Variants in SLAMF6 observed in about 807,000 individuals in gnomAD.
SLAMF6 encodes NK-T-B-antigen.
SLAMF6 carries 21 observed loss-of-function variants against 38.3 expected under a neutral mutation model. The ratio of observed to expected loss-of-function variants is 0.55; its 90% CI spans 0.39 to 0.79. SLAMF6 has a LOEUF of 0.79. SLAMF6 is among the 30% of genes least tolerant of loss of function. SLAMF6 has a pLI of 0.00. For synonymous variants in SLAMF6, 152 were observed against 146.3 expected (o/e 1.04, Z -0.28); for missense variants, 341 against 385.3 (o/e 0.89, Z 0.96).
chr1:160,491,030 C>T, intron 3 of SLAMF6, 95 bp downstream of exon 3: 2 of 1,494,226 alleles, frequency 1.3e-6, no homozygotes, highest in Admixed American at 1.8e-5. Flanking sequence ...TTTTCTGCCT[C>T]CCACTGGGCC....
At chr1:160,508,908 C>T (rs533588014) in intron 1 of SLAMF6, among the ~76,000 whole-genome samples, 1 of 152,308 alleles carries the variant, frequency 6.6e-6, no homozygotes, top group South Asian at 2.1e-4. Flanking sequence ...AAAAAATGCT[C>T]ATCATCACTG....
At chr1:160,519,759 A>G (rs1654902213) in intron 1 of SLAMF6, among the ~76,000 whole-genome samples, 1 of 144,892 alleles carries the variant, frequency 6.9e-6, no homozygotes, top group South Asian at 2.5e-4. Flanking sequence ...CCACAGAGAC[A>G]GAAAGCAGAT....
intron 1 of SLAMF6, among the ~76,000 whole-genome samples, chr1:160,506,070 C>CAG (rs1004027918): frequency 2.0e-5 from 3 of 151,744 alleles, no homozygotes; most frequent in East Asian, 3.9e-4. Context: ...CAAGGAGGAG[C>CAG]AGAGAGAGAG....
At position 160,506,219 on chromosome 1, in the gene SLAMF6, A is replaced by G. The variant is rs75843068; in HGVS notation, c.50-9826T>C. ...AAAGAGATCCATAACAAGACATATT[A>G]TAATCAAACCAGAAAAATGAAAACA... On this transcript the variant is annotated intron_variant, in intron 1 of 7. Transcript: ENST00000368057. Among the ~76,000 whole-genome samples the G allele has an allele frequency of 6.5e-3, 984 of 152,326 alleles. 12 individuals are homozygous for G. Among genetic ancestry groups the G allele is most frequent in the African/African-American group, 0.022 (922 of 41,582 alleles).
Position 160,485,989 on chromosome 1 carries a change from C to G in SLAMF6, c.*718G>C, listed in dbSNP as rs1341478854. On this transcript the variant is annotated 3_prime_UTR_variant, in exon 8 of 8. Coordinates refer to ENST00000368057, the MANE Select transcript of SLAMF6 (RefSeq NM_001184714.2). ...GAGACTAAGGCTCCAAAAGGTTAGG[C>G]AGTATGTCCCAGGAGATGTGTCTAA... 6.6e-6 allele frequency: 1 copy of G among 152,560 alleles called. No homozygotes were observed. 9.5% of individuals were successfully genotyped at this position (152,560 alleles called of 1,614,324 possible). A position where few individuals can be genotyped will look rare whatever the true frequency, so the allele number is the denominator to read the frequency against.
At chr1:160,500,540 G>A (rs1653830280) in intron 1 of SLAMF6, among the ~76,000 whole-genome samples, 1 of 151,728 alleles carries the variant, frequency 6.6e-6, no homozygotes, top group Non-Finnish European at 1.5e-5. Flanking sequence ...TGCACCATCA[G>A]CCCCCATCCA....
In SLAMF6 at chr1:160,509,004, A is replaced by T. The variant is rs149184196; in HGVS notation, c.50-12611T>A. Among the ~76,000 whole-genome samples, 951 of 152,336 alleles carry T rather than the reference A, an allele frequency of 6.2e-3. 8 individuals are homozygous for T. Among genetic ancestry groups the T allele is most frequent in the African/African-American group, 0.022 (919 of 41,572 alleles). On this transcript the variant is annotated intron_variant, in intron 1 of 7. Transcript: ENST00000368057. The stretch of plus-strand genomic sequence containing the variant: ...GCTATCATTAAAAAGTCAGGAAACA[A>T]CAGATGCTGGAGAGGATATGGAGAA...
At chr1:160,503,583 G>A (rs370725865) in intron 1 of SLAMF6, among the ~76,000 whole-genome samples, 3 of 152,086 alleles carry the variant, frequency 2.0e-5, no homozygotes, top group Non-Finnish European at 2.9e-5. Flanking sequence ...GATTTCAGGG[G>A]AATGGTGACT....
intron 5 of SLAMF6, 85 bp from the exon 6 acceptor site, chr1:160,489,255 G>T: frequency 7.6e-7 from 1 of 1,324,298 alleles, no homozygotes; most frequent in Non-Finnish European, 1.1e-6. Context: ...AGCACACTGT[G>T]TCCCCAGATA....
chr1:160,489,694 T>C (rs1653170814), intron 5 of SLAMF6, among the ~76,000 whole-genome samples: 1 of 152,126 alleles, frequency 6.6e-6, no homozygotes, highest in Admixed American at 6.6e-5. Context: ...TTATGCCTTT[T>C]CCTCTGCAAG....
rs1331998082 is a variant in SLAMF6 at position 160,490,191 on chromosome 1, T to C, written c.796+7A>G. On this transcript the variant is annotated splice_region_variant and intron_variant, in intron 5 of 7. Coordinates refer to ENST00000368057, the MANE Select transcript of SLAMF6 (RefSeq NM_001184714.2). ...TATGATGGAGAGTTAAGAGTCTGAA[T>C]GCTCACCGGGGCCCTGTGTTCGCTG... 4.3e-6 allele frequency: 7 copies of C among 1,613,626 alleles called. No individual in the cohort carries two copies. The Admixed American group carries it at 1.0e-4, about 23-fold the overall frequency.
At chr1:160,506,042 A>T (rs909461539) in intron 1 of SLAMF6, among the ~76,000 whole-genome samples, 20 of 152,122 alleles carry the variant, frequency 1.3e-4, no homozygotes, top group African/African-American at 4.3e-4. Context: ...ATACCAAAAA[A>T]TAAGCATAAT....
At chr1:160,489,839 T>G (rs986976502) in intron 5 of SLAMF6, among the ~76,000 whole-genome samples, 9 of 152,180 alleles carry the variant, frequency 5.9e-5, no homozygotes, top group African/African-American at 2.2e-4. Flanking sequence ...TGAACAGTAA[T>G]GATGCAGTCA....
intron 3 of SLAMF6, 97 bp downstream of exon 3, chr1:160,491,028 C>T (rs1163525372): frequency 4.0e-6 from 6 of 1,484,402 alleles, no homozygotes; most frequent in Non-Finnish European, 5.5e-6. Context: ...CATTTTCTGC[C>T]TCCCACTGGG....
intron 1 of SLAMF6, among the ~76,000 whole-genome samples, chr1:160,509,593 T>C (rs1243408215): frequency 2.0e-5 from 3 of 152,100 alleles, no homozygotes; most frequent in Non-Finnish European, 2.9e-5. Flanking sequence ...ACATGGCACA[T>C]ATATACCTAT....
chr1:160,516,618 A>C (rs1437663270), intron 1 of SLAMF6, among the ~76,000 whole-genome samples: 1 of 152,224 alleles, frequency 6.6e-6, no homozygotes, highest in Non-Finnish European at 1.5e-5. Flanking sequence ...ATAAGGCAGC[A>C]ATAACCAAAA....
intron 1 of SLAMF6, among the ~76,000 whole-genome samples, chr1:160,522,273 T>C (rs1655017638): frequency 6.6e-6 from 1 of 152,184 alleles, no homozygotes; most frequent in Admixed American, 6.5e-5. Context: ...ATATTAATAG[T>C]ATAAATTCAT....
chr1:160,521,413 G>A (rs1557952846), intron 1 of SLAMF6, among the ~76,000 whole-genome samples: 1 of 152,050 alleles, frequency 6.6e-6, no homozygotes, highest in Non-Finnish European at 1.5e-5. Context: ...ATGGAAATAG[G>A]GAGAAGAAGA....
intron 7 of SLAMF6, 80 bp from the exon 8 acceptor site, chr1:160,486,834 C>T: frequency 6.7e-7 from 1 of 1,489,724 alleles, no homozygotes; most frequent in East Asian, 2.3e-5. Flanking sequence ...AGAGAGAGGA[C>T]TGGAGACTAC....
Sources: gnomAD v4.1 joint callset for allele counts (sites outside exome capture counted in the v4.1 genomes callset) on GRCh38, gnomAD v4.1.1 for gene constraint, MANE v1.5 for transcripts, NCBI Gene and HGNC (gene_info 2026-07-23, HGNC 2026-07-21) for gene names.